Variants in TRAP1 observed in about 807,000 individuals in gnomAD.
The protein encoded by TRAP1 is TNF receptor associated protein 1, also known as heat shock protein 75 kDa, mitochondrial.
In TRAP1, 102 loss-of-function variants were observed where a neutral mutation model predicts 89.1. The ratio of observed to expected loss-of-function variants is 1.15; its 90% CI spans 0.98 to 1.35. TRAP1 has a LOEUF of 1.35. Ranked by LOEUF, TRAP1 falls within the 40% of genes most tolerant of loss-of-function variation. TRAP1 has a pLI of 0.00. For synonymous variants in TRAP1, 508 were observed against 388.0 expected, an observed-to-expected ratio of 1.31 and a Z score of -3.64; for missense variants, 1,256 against 945.3, an observed-to-expected ratio of 1.33 and a Z score of -4.31.
At chr16:3,682,048 G>A (rs2051079403) in intron 4 of TRAP1, among the ~76,000 whole-genome samples, 1 of 152,154 alleles carries the variant, frequency 6.6e-6, no homozygotes, top group African/African-American at 2.4e-5. Context: ...CAGGAACAGA[G>A]ATGCACAGAG....
chr16:3,697,536 C>T (rs1567241027), intron 1 of TRAP1, among the ~76,000 whole-genome samples: 2 of 151,274 alleles, frequency 1.3e-5, no homozygotes, highest in South Asian at 2.1e-4. Context: ...TAGTGGTGGG[C>T]GCCTGTAGTC....
intron 1 of TRAP1, among the ~76,000 whole-genome samples, chr16:3,704,637 G>A (rs1247773001): frequency 2.0e-5 from 3 of 152,064 alleles, no homozygotes; most frequent in Non-Finnish European, 2.9e-5. Flanking sequence ...AGGCTCCCTC[G>A]AGCTCAGGAG....
intron 11 of TRAP1, among the ~76,000 whole-genome samples, chr16:3,667,382 G>C (rs1208432068): frequency 6.6e-6 from 1 of 152,082 alleles, no homozygotes; most frequent in Non-Finnish European, 1.5e-5. Flanking sequence ...GCACCACTTT[G>C]GGAGGCTGAG....
chr16:3,686,340 T>G (rs1051866761), intron 3 of TRAP1, among the ~76,000 whole-genome samples: 3 of 152,178 alleles, frequency 2.0e-5, no homozygotes, highest in African/African-American at 7.2e-5. Flanking sequence ...CTTTCAGGAT[T>G]TCTTTGAGAG....
chr16:3,715,494 G>C (rs551513467), intron 1 of TRAP1, among the ~76,000 whole-genome samples: 1 of 152,216 alleles, frequency 6.6e-6, no homozygotes, highest in Admixed American at 6.5e-5. Context: ...TCCCTGGGCT[G>C]AAAACTGACA....
chr16:3,676,340 G>T, intron 6 of TRAP1, 195 bp from the exon 7 acceptor site: 1 of 280,920 alleles, frequency 3.6e-6, no homozygotes, highest in Non-Finnish European at 6.5e-6. Flanking sequence ...CCTGTCGCAG[G>T]CGGCAGAGTT....
chr16:3,680,994 A>T (rs2051066848), intron 4 of TRAP1, among the ~76,000 whole-genome samples: 1 of 152,162 alleles, frequency 6.6e-6, no homozygotes, highest in Non-Finnish European at 1.5e-5. Context: ...CTGAATCACA[A>T]TACAGACCAA....
At position 3,677,546 on chromosome 16, in the gene TRAP1, G is replaced by A. The variant is rs1265074330; in HGVS notation, c.656C>T (p.Ser219Phe). Residue 219 changes from serine to phenylalanine, a missense_variant, in exon 6 of 18, where the codon TCC (serine) becomes TTC (phenylalanine). Physicochemically the swap from Ser to Phe is radical, Grantham distance 155. Transcript: ENST00000246957. ...FMVADRVEVY[S>F]RSAAPGSLGY... Reference sequence around the variant, plus strand: ...CAGGCTCCCCGGGGCTGCCGAGCGGGAATAGACCTCCACTCTGTCAGCCAC... The same window carrying A: ...CAGGCTCCCCGGGGCTGCCGAGCGGAAATAGACCTCCACTCTGTCAGCCAC... The A allele has an allele frequency of 5.0e-6, 8 of 1,614,168 alleles. No individual in the cohort carries two copies. The highest frequency in any genetic ancestry group is 6.8e-6 in the Non-Finnish European group (8 of 1,180,028).
At chr16:3,684,070 G>A (rs2051107527) in intron 4 of TRAP1, among the ~76,000 whole-genome samples, 1 of 152,010 alleles carries the variant, frequency 6.6e-6, no homozygotes, top group Non-Finnish European at 1.5e-5. Context: ...GGGGGCTGAG[G>A]CAGGAGAATC....
At chr16:3,690,376 C>G (rs915654669) in intron 2 of TRAP1, among the ~76,000 whole-genome samples, 3 of 152,164 alleles carry the variant, frequency 2.0e-5, no homozygotes, top group African/African-American at 7.2e-5. Context: ...CCTCACTTCT[C>G]TTTTTAACTT....
At chr16:3,685,054 G>T (rs1379427795) in intron 4 of TRAP1, among the ~76,000 whole-genome samples, 3 of 152,184 alleles carry the variant, frequency 2.0e-5, no homozygotes, top group Non-Finnish European at 2.9e-5. Flanking sequence ...ATGTCCCCAT[G>T]ACCCCTTGCC....
At chr16:3,661,207 G>A (rs557520153) in intron 16 of TRAP1, 1 of 152,256 alleles carries the variant, frequency 6.6e-6, no homozygotes, top group South Asian at 2.1e-4. Flanking sequence ...ACCAAAGGAT[G>A]TTAAAGACCT....
rs1420120738 is a variant in TRAP1, at chr16:3,662,112, G to A, written c.1815C>T (p.Thr605=). ...TNVKVTLRLD[T]HPAMVTVLEM... The stretch of plus-strand genomic sequence containing the variant: ...CCAGCACGGTGACCATGGCAGGGTG[G>A]GTGTCCAGTCGGAGGGTCACCTGTG... Residue 605 remains threonine, a synonymous_variant, in exon 16 of 18, where the codon ACC becomes ACT. Transcript: ENST00000246957. 1.2e-6 allele frequency: 2 copies of A among 1,612,820 alleles called. No individual in the cohort carries two copies. The highest frequency in any genetic ancestry group is 2.7e-5 in the African/African-American group (2 of 74,932).
intron 16 of TRAP1, chr16:3,661,149 G>C (rs988080440): frequency 1.3e-5 from 2 of 151,970 alleles, no homozygotes; most frequent in African/African-American, 4.8e-5. Context: ...ACACATCAAA[G>C]AATAATTCTT....
chr16:3,699,200 AGCT>A (rs775713861), intron 1 of TRAP1, among the ~76,000 whole-genome samples: 20 of 152,154 alleles, frequency 1.3e-4, no homozygotes, highest in Non-Finnish European at 1.8e-4. Context: ...CAGTCTCAGT[AGCT>A]GGGACTCCTT....
At chr16:3,663,202 C>T in intron 14 of TRAP1, 1 of 690,958 alleles carries the variant, frequency 1.4e-6, no homozygotes, top group Non-Finnish European at 2.4e-6. Context: ...GAAGCTGGGC[C>T]AGCTCCAGAA....
intron 1 of TRAP1, among the ~76,000 whole-genome samples, chr16:3,708,395 T>G (rs2051480001): frequency 6.6e-6 from 1 of 151,840 alleles, no homozygotes; most frequent in African/African-American, 2.4e-5. Context: ...TGCCAACACT[T>G]TGGGAGGCTG....
chr16:3,669,219 C>T (rs1415391513), intron 11 of TRAP1, among the ~76,000 whole-genome samples: 2 of 152,210 alleles, frequency 1.3e-5, no homozygotes, highest in Non-Finnish European at 2.9e-5. Flanking sequence ...CAGTAACCCA[C>T]AGGCGCACTC....
intron 17 of TRAP1, 71 bp from the exon 18 acceptor site, chr16:3,658,301 G>C (rs2042842200): frequency 4.0e-6 from 5 of 1,237,738 alleles, no homozygotes; most frequent in South Asian, 2.6e-5. Context: ...TTTTGAGACA[G>C]AGTCTCACTG....
Sources: allele counts gnomAD v4.1 joint callset (sites outside exome capture counted in the v4.1 genomes callset), GRCh38; gene constraint gnomAD v4.1.1; transcripts MANE v1.5; gene names NCBI Gene and HGNC (gene_info 2026-07-23, HGNC 2026-07-21).